TNFRSF19: variants seen among roughly 807,000 people sequenced by gnomAD.
The protein encoded by TNFRSF19 is TNF receptor superfamily member 19.
In TNFRSF19, 27 loss-of-function variants were observed where a neutral mutation model predicts 46.4. That is an observed-to-expected ratio of 0.58 (90% confidence interval 0.43 to 0.80). The LOEUF (loss-of-function observed/expected upper bound fraction) is 0.80. Among genes scored for constraint, TNFRSF19 ranks in the 30% least tolerant of loss-of-function variants. The pLI is 0.00. For missense variants in TNFRSF19, 511 were observed against 530.8 expected, an observed-to-expected ratio of 0.96 and a Z score of 0.37; for synonymous variants, 204 against 205.0, an observed-to-expected ratio of 1.00 and a Z score of 0.04.
chr13:23,598,774 T>G (rs1476576226), intron 3 of TNFRSF19, among the ~76,000 whole-genome samples: 3 of 152,258 alleles, frequency 2.0e-5, no homozygotes, highest in African/African-American at 7.2e-5. Context: ...CTTTATTTGC[T>G]GATCTTTTGA....
intron 7 of TNFRSF19, among the ~76,000 whole-genome samples, chr13:23,662,944 G>C (rs1248336047): frequency 1.3e-5 from 2 of 152,128 alleles, no homozygotes; most frequent in African/African-American, 4.8e-5. Flanking sequence ...TCTAGATATA[G>C]AATCATGTCA....
intron 3 of TNFRSF19, among the ~76,000 whole-genome samples, chr13:23,602,707 G>T (rs771224720): frequency 6.6e-6 from 1 of 152,048 alleles, no homozygotes; most frequent in African/African-American, 2.4e-5. Flanking sequence ...ATAACAGAAA[G>T]ATAGCTGGAA....
At chr13:23,615,146 A>T (rs1031366255) in intron 3 of TNFRSF19, among the ~76,000 whole-genome samples, 1 of 152,204 alleles carries the variant, frequency 6.6e-6, no homozygotes, top group Non-Finnish European at 1.5e-5. Flanking sequence ...TAATTATGTT[A>T]CATGATATGC....
intron 2 of TNFRSF19, 122 bp downstream of exon 2, chr13:23,590,374 G>GC: frequency 1.7e-6 from 1 of 590,150 alleles, no homozygotes; most frequent in Admixed American, 4.0e-5. Flanking sequence ...TTGCTCTTTT[G>GC]CTCAGGCTGG....
chr13:23,629,780 C>T (rs1241936044), intron 5 of TNFRSF19, among the ~76,000 whole-genome samples: 1 of 152,342 alleles, frequency 6.6e-6, no homozygotes, highest in East Asian at 1.9e-4. Flanking sequence ...TCAGTAATGA[C>T]TGTCTACCTG....
intron 7 of TNFRSF19, among the ~76,000 whole-genome samples, chr13:23,662,825 G>T (rs1282919465): frequency 2.0e-5 from 3 of 152,196 alleles, no homozygotes; most frequent in African/African-American, 7.2e-5. Flanking sequence ...CTTGGCCGTT[G>T]TTGGTGTAGA....
chr13:23,599,390 A>G (rs980927532), intron 3 of TNFRSF19, among the ~76,000 whole-genome samples: 2 of 152,216 alleles, frequency 1.3e-5, no homozygotes, highest in African/African-American at 4.8e-5. Context: ...CCAGTGGCCC[A>G]TGACACAGCC....
At chr13:23,653,478 A>G (rs1384497996) in intron 5 of TNFRSF19, among the ~76,000 whole-genome samples, 1 of 152,194 alleles carries the variant, frequency 6.6e-6, no homozygotes, top group African/African-American at 2.4e-5. Flanking sequence ...GTGGGTAGGA[A>G]GTGCTGGGGA....
chr13:23,601,383 T>G (rs1037777042), intron 3 of TNFRSF19, among the ~76,000 whole-genome samples: 2 of 152,136 alleles, frequency 1.3e-5, no homozygotes, highest in Non-Finnish European at 2.9e-5. Context: ...TTCTGTACCC[T>G]GAGAAATTTT....
At chr13:23,585,799 T>G (rs1284272595) in intron 1 of TNFRSF19, among the ~76,000 whole-genome samples, 2 of 152,158 alleles carry the variant, frequency 1.3e-5, no homozygotes, top group African/African-American at 2.4e-5. Flanking sequence ...TGGGGAGTGG[T>G]GGAGACTAGT....
intron 9 of TNFRSF19, among the ~76,000 whole-genome samples, chr13:23,673,057 T>C (rs539374648): frequency 6.6e-6 from 1 of 152,334 alleles, no homozygotes; most frequent in Non-Finnish European, 1.5e-5. Flanking sequence ...CTTTAAATGT[T>C]TGAATAAGGT....
intron 1 of TNFRSF19, among the ~76,000 whole-genome samples, chr13:23,575,212 G>T (rs1877876665): frequency 6.6e-6 from 1 of 152,220 alleles, no homozygotes; most frequent in African/African-American, 2.4e-5. Flanking sequence ...TCGAACTCAT[G>T]AAAAGGGTCT....
chr13:23,673,608 T>G lies in TNFRSF19; in HGVS notation c.*228T>G. 8.3e-7 allele frequency: 1 copy of G among 1,202,744 alleles called. No individual in the cohort carries two copies. The allele number at this position is 1,202,744 out of a possible 1,614,324, so 74.5% of individuals were successfully genotyped here. ...GAAAAGACTCCAGGCCGACTCATGA[T>G]ACTCTGCATCTTTCCTACATGAGAA... On this transcript the variant is annotated 3_prime_UTR_variant, in exon 10 of 10. Transcript: ENST00000248484.
chr13:23,616,740 G>A (rs1437378107), intron 4 of TNFRSF19, among the ~76,000 whole-genome samples: 2 of 151,966 alleles, frequency 1.3e-5, no homozygotes, highest in African/African-American at 2.4e-5. Context: ...GCGCCACCAC[G>A]CCCGGCTAAT....
intron 5 of TNFRSF19, among the ~76,000 whole-genome samples, chr13:23,639,837 T>G (rs1385388805): frequency 6.6e-6 from 1 of 152,180 alleles, no homozygotes; most frequent in Non-Finnish European, 1.5e-5. Flanking sequence ...CATGGCTGGA[T>G]TTGAAAGGAT....
intron 3 of TNFRSF19, among the ~76,000 whole-genome samples, chr13:23,603,931 C>T (rs1880339643): frequency 1.3e-5 from 2 of 151,930 alleles, no homozygotes. Flanking sequence ...CCACTAAGAT[C>T]AGGAACAAGG....
chr13:23,581,211 G>T (rs987124151), intron 1 of TNFRSF19, among the ~76,000 whole-genome samples: 15 of 147,804 alleles, frequency 1.0e-4, no homozygotes, highest in African/African-American at 3.6e-4. Context: ...GCAAGCTCCC[G>T]CTCTGCGCAC....
intron 1 of TNFRSF19, among the ~76,000 whole-genome samples, chr13:23,572,897 G>A (rs1877719159): frequency 6.6e-6 from 1 of 152,296 alleles, no homozygotes; most frequent in Non-Finnish European, 1.5e-5. Flanking sequence ...TTCAATGGCA[G>A]CTTTGTTACT....
At chr13:23,581,127 C>CTTTTTTTTTTTTT (rs1226042943) in intron 1 of TNFRSF19, among the ~76,000 whole-genome samples, 1 of 123,246 alleles carries the variant, frequency 8.1e-6, no homozygotes, top group African/African-American at 2.9e-5. Flanking sequence ...TTCTTTTTTT[C>CTTTTTTTTTTTTT]TTTTCTTTTT....
Sources: gnomAD v4.1 joint callset for allele counts (sites outside exome capture counted in the v4.1 genomes callset) on GRCh38, gnomAD v4.1.1 for gene constraint, MANE v1.5 for transcripts, NCBI Gene and HGNC (gene_info 2026-07-23, HGNC 2026-07-21) for gene names.